THOP1: variants seen among roughly 807,000 people sequenced by gnomAD.
THOP1 encodes the protein thimet oligopeptidase.
THOP1 carries 49 observed loss-of-function variants against 71.8 expected under a neutral mutation model. The ratio of observed to expected loss-of-function variants is 0.68; its 90% CI spans 0.54 to 0.87. THOP1 has a LOEUF of 0.87. THOP1 is among the 40% of genes least tolerant of loss of function. THOP1 has a pLI of 0.00. For missense variants in THOP1, 843 were observed against 975.6 expected (o/e 0.86, Z 1.81); for synonymous variants, 426 against 421.5 (o/e 1.01, Z -0.13).
chr19:2,812,805 C>T (rs1008397781), intron 12 of THOP1, among the ~76,000 whole-genome samples: 32 of 152,206 alleles, frequency 2.1e-4, no homozygotes, highest in Admixed American at 2.0e-3. Context: ...ATTGTCCAGC[C>T]GGAGGCTCAG....
chr19:2,794,016 CTTTTTTTT>C, intron 2 of THOP1, among the ~76,000 whole-genome samples: 2 of 130,508 alleles, frequency 1.5e-5, no homozygotes, highest in South Asian at 6.4e-4. Context: ...TTTTTTTTTT[CTTTTTTTT>C]TCTTTTTTGA....
At position 2,794,809 on chromosome 19, in the gene THOP1, A is replaced by G; in HGVS notation, c.275A>G (p.Lys92Arg). 3.7e-6 allele frequency: 6 copies of G among 1,613,896 alleles called. No homozygotes were observed. The highest frequency in any genetic ancestry group is 5.1e-6 in the Non-Finnish European group (6 of 1,179,906). ...TTCCCCCAGCATGTTTCCCCCTCCA[A>G]GGACATCCGGACAGCCAGCACAGAG... ...LDFPQHVSPS[K>R]DIRTASTEAD... Residue 92 changes from lysine to arginine, a missense_variant, in exon 3 of 13, where the codon AAG becomes AGG. Coordinates refer to ENST00000307741, the MANE Select transcript of THOP1 (RefSeq NM_003249.5).
At chr19:2,811,510 G>A in intron 11 of THOP1, 88 bp from the exon 12 acceptor site, 1 of 1,522,808 alleles carries the variant, frequency 6.6e-7, no homozygotes, top group Non-Finnish European at 8.9e-7. Flanking sequence ...CCGGGCAGGG[G>A]TCTCAGGAGT....
At chr19:2,794,730 C>A in intron 2 of THOP1, 34 bp from the exon 3 acceptor site, 2 of 1,594,984 alleles carry the variant, frequency 1.3e-6, no homozygotes, top group Non-Finnish European at 1.7e-6. Flanking sequence ...GGGGCCTGTT[C>A]TCACACCTGT....
chr19:2,804,950 C>A lies in THOP1; in HGVS notation c.590-66C>A. The stretch of plus-strand genomic sequence containing the variant: ...CAGAGGGGAAGCCCACCCCTTCCCT[C>A]ACACGCTGTGTGCAGGCTGTGGGCC... On this transcript the variant is annotated intron_variant, in intron 5 of 12. Transcript: ENST00000307741. This position sits in a 1 kb window ranked among gnomAD's most constrained non-coding sequence, Gnocchi z 4.7. The A allele has an allele frequency of 6.6e-7, 1 of 1,504,826 alleles. No homozygotes were observed. The highest frequency in any genetic ancestry group is 1.3e-5 in the South Asian group (1 of 77,318). 93.2% of individuals were successfully genotyped at this position (1,504,826 alleles called of 1,614,324 possible). A position where few individuals can be genotyped will look rare whatever the true frequency, so the allele number is the denominator to read the frequency against.
At position 2,802,700 on chromosome 19, in the gene THOP1, G is replaced by A. The variant is rs77606140; in HGVS notation, c.590-2316G>A. ...AGAGACCTGTGAGTGTCCATCACTC[G>A]CACATTGTCATACACTAGTTGCCAT... On this transcript the variant is annotated intron_variant, in intron 5 of 12. Coordinates refer to ENST00000307741, the MANE Select transcript of THOP1 (RefSeq NM_003249.5). Among the ~76,000 whole-genome samples, 174 of 152,280 alleles carry A rather than the reference G, an allele frequency of 1.1e-3. 3 individuals are homozygous for A. In the East Asian group the frequency reaches 0.029, roughly 26 times the overall value.
At position 2,806,910 on chromosome 19, in the gene THOP1, G is replaced by A; in HGVS notation, c.751-7G>A. 2 of 1,612,960 alleles carry A rather than the reference G, an allele frequency of 1.2e-6. No homozygotes were observed. Among genetic ancestry groups the A allele is most frequent in the South Asian group, 1.1e-5 (1 of 91,050 alleles). On this transcript the variant is annotated splice_polypyrimidine_tract_variant and splice_region_variant and intron_variant, in intron 6 of 12. Coordinates refer to ENST00000307741, the MANE Select transcript of THOP1 (RefSeq NM_003249.5). ...CCTGGGTGACAGTGTGGTGGTGTCG[G>A]TTGCAGGAGAACTGCGCTATCCTCA... is the stretch of plus-strand genomic sequence containing the variant.
At chr19:2,808,468 C>G in intron 9 of THOP1, 24 bp downstream of exon 9, 1 of 1,526,262 alleles carries the variant, frequency 6.6e-7, no homozygotes, top group Non-Finnish European at 8.8e-7. Context: ...CGGGCAGGGG[C>G]AGGGGCAGGG....
chr19:2,807,429 G>T lies in THOP1; in HGVS notation c.887-13G>T, dbSNP rs774665456. 4 of 1,572,226 alleles carry T rather than the reference G, an allele frequency of 2.5e-6. No individual in the cohort carries two copies. The South Asian group carries it at 3.4e-5, about 14-fold the overall frequency. On this transcript the variant is annotated splice_polypyrimidine_tract_variant and intron_variant, in intron 7 of 12. Transcript: ENST00000307741. ...CGCGAGGCGAGAGGCCCACCTTTCT[G>T]CCCTCCCCGCAGATGAGCTGGCGCA... is the stretch of plus-strand genomic sequence containing the variant.
intron 9 of THOP1, chr19:2,809,526 G>T (rs1046125564): frequency 6.6e-6 from 1 of 152,272 alleles, no homozygotes; most frequent in Non-Finnish European, 1.5e-5. Flanking sequence ...GGCCTCTGGG[G>T]TTTTTGTGGA....
chr19:2,809,144 C>T (rs1252350722), intron 9 of THOP1, among the ~76,000 whole-genome samples: 1 of 152,242 alleles, frequency 6.6e-6, no homozygotes, highest in Admixed American at 6.5e-5. Flanking sequence ...ACCCTGGTCA[C>T]GTGTTCGCCA....
At chr19:2,792,206 C>G (rs1197078534) in intron 2 of THOP1, among the ~76,000 whole-genome samples, 1 of 152,196 alleles carries the variant, frequency 6.6e-6, no homozygotes, top group African/African-American at 2.4e-5. Context: ...CAGGCCTGGC[C>G]CAGAGCCCCC....
intron 3 of THOP1, 42 bp from the exon 4 acceptor site, chr19:2,796,039 G>A (rs1397350577): frequency 3.4e-5 from 51 of 1,512,934 alleles, no homozygotes; most frequent in Non-Finnish European, 4.5e-5. Context: ...TGGAGCGGCT[G>A]CACTGGCCCA....
At chr19:2,807,990 A>C (rs1051292448) in intron 8 of THOP1, 182 bp downstream of exon 8, 9 of 818,086 alleles carry the variant, frequency 1.1e-5, no homozygotes, top group Non-Finnish European at 1.5e-5. Context: ...CCCCGTTTCC[A>C]GTCTCACTCA....
Position 2,808,282 on chromosome 19 carries a change from G to T in THOP1, c.1293G>T (p.Gln431His). 6.4e-7 allele frequency: 1 copy of T among 1,561,606 alleles called. No individual in the cohort carries two copies. The highest frequency in any genetic ancestry group is 8.7e-7 in the Non-Finnish European group (1 of 1,153,028). ...KYGHAACFGL[Q>H]PGCLRQDGSR... Reference sequence around the variant, plus strand: ...GGCACGCGGCCTGCTTTGGCCTGCAGCCCGGCTGCCTGCGGCAGGATGGGA... The same window carrying T: ...GGCACGCGGCCTGCTTTGGCCTGCATCCCGGCTGCCTGCGGCAGGATGGGA... Residue 431 changes from glutamine to histidine, a missense_variant, in exon 9 of 13, where the codon CAG becomes CAT. Physicochemically the swap from Gln to His is conservative, Grantham distance 24. Transcript: ENST00000307741.
rs1438451206 is a variant in THOP1, at chr19:2,796,153, A to G, written c.451A>G (p.Arg151Gly). The change falls in exon 4 of 13, where the codon AGA (arginine) becomes GGA (glycine). Residue 151 changes from arginine (R) to glycine (G), a missense_variant. Physicochemically the swap from Arg to Gly is moderately radical, Grantham distance 125 (BLOSUM62 -2). Coordinates refer to ENST00000307741, the MANE Select transcript of THOP1 (RefSeq NM_003249.5). The part of the protein sequence containing the change: ...YLERLIKLGR[R>G]NGLHLPRETQ... ...GGAGCGGCTAATCAAGCTGGGCCGG[A>G]GAAATGGGCTTCACCTCCCCAGAGA... is the stretch of plus-strand genomic sequence containing the variant. 3.7e-6 allele frequency: 6 copies of G among 1,613,642 alleles called. No homozygotes were observed. The highest frequency in any genetic ancestry group is 5.1e-6 in the Non-Finnish European group (6 of 1,179,964).
chr19:2,796,067 T>C lies in THOP1; in HGVS notation c.379-14T>C. On this transcript the variant is annotated splice_polypyrimidine_tract_variant and intron_variant, in intron 3 of 12. Transcript: ENST00000307741. The stretch of plus-strand genomic sequence containing the variant: ...CTGGCCCACGTCCTACATGCTTTGA[T>C]GTTTTTATTCCAGGAGAAAGTTCAG... The C allele has an allele frequency of 6.2e-7, 1 of 1,608,482 alleles. No homozygotes were observed. The highest frequency in any genetic ancestry group is 8.5e-7 in the Non-Finnish European group (1 of 1,175,316).
rs1350310965 is a variant in THOP1 at position 2,801,879 on chromosome 19, A to G, written c.589+2088A>G. ...TGTCCCTTCATCCATGAATCCATGA[A>G]TGGATTCATCCATTCCTGAAGGCAG... On this transcript the variant is annotated intron_variant, in intron 5 of 12. Transcript: ENST00000307741. The surrounding 1 kb of genome is among the most constrained non-coding windows in gnomAD (Gnocchi z 5.1). 6.6e-6 allele frequency among the ~76,000 whole-genome samples: 1 copy of G among 151,960 alleles called. No individual in the cohort carries two copies. Among genetic ancestry groups the G allele is most frequent in the African/African-American group, 2.4e-5 (1 of 41,332 alleles).
chr19:2,806,731 C>T (rs920875218), intron 6 of THOP1, 186 bp from the exon 7 acceptor site: 3 of 1,000,534 alleles, frequency 3.0e-6, no homozygotes, highest in African/African-American at 3.3e-5. Flanking sequence ...TCCAAAAAGG[C>T]CTTGGGATTA....
Sources: allele counts gnomAD v4.1 joint callset (sites outside exome capture counted in the v4.1 genomes callset), GRCh38; gene constraint gnomAD v4.1.1; non-coding constraint Gnocchi (gnomAD v3.1); transcripts MANE v1.5; gene names NCBI Gene and HGNC (gene_info 2026-07-23, HGNC 2026-07-21).